The following FAM221A variants were observed in gnomAD, a reference collection of about 807,000 sequenced individuals.
FAM221A encodes protein FAM221A.
Under a neutral mutation model 37.6 loss-of-function variants are expected in FAM221A, and 43 were observed. The ratio of observed to expected loss-of-function variants is 1.15; its 90% confidence interval spans 0.90 to 1.48. The LOEUF is 1.48. Among genes scored for constraint, FAM221A ranks in the 40% most tolerant of loss-of-function variants. FAM221A has a pLI of 0.00. For missense variants in FAM221A, 361 were observed against 361.5 expected (o/e 1.00, Z 0.01); for synonymous variants, 135 against 132.9 (o/e 1.02, Z -0.11).
intron 4 of FAM221A, among the ~76,000 whole-genome samples, chr7:23,691,962 G>C (rs1279527871): frequency 1.3e-5 from 2 of 152,008 alleles, no homozygotes; most frequent in Non-Finnish European, 2.9e-5. Context: ...TAGTTTACCT[G>C]TTACTCTACT....
intron 6 of FAM221A, among the ~76,000 whole-genome samples, chr7:23,701,741 C>A (rs1004047555): frequency 3.9e-5 from 6 of 152,104 alleles, no homozygotes; most frequent in Non-Finnish European, 7.3e-5. Context: ...TTAAAGCAGT[C>A]CACGTTCCAG....
rs1453242665 is a variant in FAM221A, at chr7:23,691,452, C to A, written c.493C>A (p.His165Asn). The change falls in exon 4 of 7, where the codon CAT (histidine) becomes AAT (asparagine). Residue 165 changes from histidine (H) to asparagine (N), a missense_variant. Physicochemically the swap from His to Asn is moderately conservative, Grantham distance 68. Transcript: ENST00000344962. ...TCACGQPAYA[H>N]DTVVETKQER... ...TGCTTGTGGTCAGCCTGCATATGCC[C>A]ATGACACAGTAGTGGAAACTAAGCA... 1 of 1,614,196 alleles carries A rather than the reference C, an allele frequency of 6.2e-7. No homozygotes were observed. The highest frequency in any genetic ancestry group is 8.5e-7 in the Non-Finnish European group (1 of 1,180,032).
At chr7:23,699,743 T>C (rs903680969) in intron 5 of FAM221A, among the ~76,000 whole-genome samples, 1 of 151,976 alleles carries the variant, frequency 6.6e-6, no homozygotes, top group Non-Finnish European at 1.5e-5. Flanking sequence ...GGTTTTGCCA[T>C]GTTGCCCAGG....
intron 5 of FAM221A, among the ~76,000 whole-genome samples, chr7:23,700,005 C>T (rs1233529057): frequency 6.6e-6 from 1 of 152,168 alleles, no homozygotes; most frequent in African/African-American, 2.4e-5. Context: ...GGGTGGATAA[C>T]ACTTATTCAA....
At chr7:23,695,637 A>T (rs12700461) in intron 4 of FAM221A, among the ~76,000 whole-genome samples, 23,540 of 152,024 alleles carry the variant, frequency 0.15, 1,952 homozygotes, top group Middle Eastern at 0.18. Flanking sequence ...CCTCCCAAAG[A>T]GCTGGGATTA....
At chr7:23,680,830 A>T (rs1268635374) in intron 1 of FAM221A, 2 of 152,346 alleles carry the variant, frequency 1.3e-5, no homozygotes, top group African/African-American at 2.4e-5. Context: ...GTGCACCTGC[A>T]GCGACGCGCT....
intron 1 of FAM221A, among the ~76,000 whole-genome samples, chr7:23,682,995 A>G (rs564532616): frequency 1.3e-5 from 2 of 152,286 alleles, no homozygotes; most frequent in East Asian, 3.9e-4. Flanking sequence ...GGTTTTGATT[A>G]TTTCATAGCT....
intron 4 of FAM221A, 65 bp from the exon 5 acceptor site, chr7:23,698,127 A>C: frequency 1.2e-6 from 1 of 859,406 alleles, no homozygotes; most frequent in African/African-American, 1.8e-5. Flanking sequence ...TTTACATTAG[A>C]AGTAATAACT....
intron 5 of FAM221A, among the ~76,000 whole-genome samples, chr7:23,699,849 C>G (rs1023246384): frequency 6.6e-6 from 1 of 152,024 alleles, no homozygotes; most frequent in Admixed American, 6.6e-5. Flanking sequence ...GCCTGATAGT[C>G]ACCTTTGAAG....
intron 2 of FAM221A, chr7:23,686,290 G>GACAAC (rs1203931419): frequency 4.7e-6 from 2 of 425,340 alleles, no homozygotes; most frequent in African/African-American, 4.6e-5. Context: ...TTGAGACAGG[G>GACAAC]TCTTACTCTG....
Position 23,699,535 on chromosome 7 carries a change from CTTTTTTTTTTT to C in FAM221A, c.746-1236_746-1226del, listed in dbSNP as rs57930152. ...GCTTGTTTCTGATAGTCACCTTTTC[CTTTTTTTTTTT>C]TTTTTTTTTTTTTTGAGACAGAGTC... On this transcript the variant is annotated intron_variant, in intron 5 of 6. Coordinates refer to ENST00000344962, the MANE Select transcript of FAM221A (RefSeq NM_199136.5). Among the ~76,000 whole-genome samples the C allele has an allele frequency of 1.2e-4, 8 of 64,164 alleles. No homozygotes were observed. In the East Asian group the frequency reaches 4.1e-3, roughly 33 times the overall value. 42.1% of individuals were successfully genotyped at this position (64,164 alleles called of 152,430 possible). A position where few individuals can be genotyped will look rare whatever the true frequency, so the allele number is the denominator to read the frequency against.
intron 2 of FAM221A, chr7:23,688,866 C>T (rs1047881261): frequency 1.3e-5 from 2 of 153,180 alleles, no homozygotes; most frequent in Admixed American, 1.3e-4. Context: ...GAACTCCCGA[C>T]CTCAGGTGAT....
intron 2 of FAM221A, chr7:23,687,526 A>G (rs922935679): frequency 2.3e-4 from 35 of 151,798 alleles, no homozygotes; most frequent in African/African-American, 8.2e-4. Context: ...CTTTTTCTAT[A>G]TATGGAATTA....
chr7:23,688,633 T>C (rs1161383374), intron 2 of FAM221A: 2 of 148,566 alleles, frequency 1.3e-5, no homozygotes, highest in African/African-American at 5.0e-5. Flanking sequence ...AAGAACTTTT[T>C]CTTTTCTTTT....
chr7:23,692,072 T>C, intron 4 of FAM221A: 1 of 352,770 alleles, frequency 2.8e-6, no homozygotes, highest in Admixed American at 6.1e-5. Flanking sequence ...TAATCACTTC[T>C]GTAGTAAAAT....
chr7:23,700,989 G>A, intron 6 of FAM221A, 121 bp downstream of exon 6: 3 of 689,430 alleles, frequency 4.4e-6, no homozygotes, highest in Non-Finnish European at 7.3e-6. Flanking sequence ...ACTTACAGTT[G>A]GTGTTAGGCC....
chr7:23,686,053 A>G (rs540217444), intron 2 of FAM221A, among the ~76,000 whole-genome samples: 1 of 152,210 alleles, frequency 6.6e-6, no homozygotes. Context: ...AATGTTGTAT[A>G]TAGATTGATT....
chr7:23,697,246 C>A (rs1257040562), intron 4 of FAM221A, among the ~76,000 whole-genome samples: 1 of 152,204 alleles, frequency 6.6e-6, no homozygotes, highest in Non-Finnish European at 1.5e-5. Context: ...CGGGGAGAGA[C>A]TGAGCAATCG....
chr7:23,682,440 T>TTA (rs67207532), intron 1 of FAM221A, among the ~76,000 whole-genome samples: 840 of 31,156 alleles, frequency 0.027, 12 homozygotes, highest in African/African-American at 0.073. Context: ...ATTATTATTA[T>TTA]TTTTTTTTTT....
Sources: gnomAD v4.1 joint callset for allele counts (sites outside exome capture counted in the v4.1 genomes callset) on GRCh38, gnomAD v4.1.1 for gene constraint, MANE v1.5 for transcripts, NCBI Gene and HGNC (gene_info 2026-07-23, HGNC 2026-07-21) for gene names.